Variants in SLC24A3 observed in about 807,000 individuals in gnomAD.
SLC24A3 encodes sodium/potassium/calcium exchanger 3.
Under a neutral mutation model 75.8 loss-of-function variants are expected in SLC24A3, and 28 were observed. The ratio of observed to expected loss-of-function variants is 0.37; its 90% CI spans 0.27 to 0.51. SLC24A3 has a LOEUF of 0.51. Among genes scored for constraint, SLC24A3 ranks in the 20% least tolerant of loss-of-function variants. The pLI is 0.94. For missense variants in SLC24A3, 663 were observed against 847.8 expected (o/e 0.78, Z 2.71); for synonymous variants, 372 against 334.1 (o/e 1.11, Z -1.24).
chr20:19,515,394 T>C (rs2122558151), intron 2 of SLC24A3, 94 bp from the exon 3 acceptor site: 1 of 1,155,494 alleles, frequency 8.7e-7, no homozygotes, highest in South Asian at 1.3e-5. Flanking sequence ...TCATCCAAGT[T>C]CATGGACCCC....
At chr20:19,282,979 C>A (rs1416761073) in intron 2 of SLC24A3, among the ~76,000 whole-genome samples, 1 of 152,118 alleles carries the variant, frequency 6.6e-6, no homozygotes, top group Admixed American at 6.5e-5. Context: ...AGAACGTGAA[C>A]CCGGGATCTG....
chr20:19,716,694 CAACGT>C (rs2033050041), intron 15 of SLC24A3, among the ~76,000 whole-genome samples: 1 of 151,912 alleles, frequency 6.6e-6, no homozygotes, highest in Non-Finnish European at 1.5e-5. Flanking sequence ...CCAGCCCGGG[CAACGT>C]AGTGAGACCT....
chr20:19,377,498 TA>T (rs576320717), intron 2 of SLC24A3, among the ~76,000 whole-genome samples: 10 of 152,316 alleles, frequency 6.6e-5, no homozygotes, highest in African/African-American at 2.2e-4. Flanking sequence ...CAGGTTAAAC[TA>T]AGCTATGGAG....
chr20:19,263,296 CTG>C (rs1205844918), intron 1 of SLC24A3, among the ~76,000 whole-genome samples: 3 of 152,094 alleles, frequency 2.0e-5, no homozygotes, highest in Non-Finnish European at 4.4e-5. Flanking sequence ...AAAGAGCAAA[CTG>C]TGAAGAATGA....
chr20:19,470,000 G>T (rs1987840324), intron 2 of SLC24A3, among the ~76,000 whole-genome samples: 1 of 152,114 alleles, frequency 6.6e-6, no homozygotes, highest in South Asian at 2.1e-4. Context: ...TCTAGGTTCA[G>T]CCAGGGACCC....
intron 15 of SLC24A3, among the ~76,000 whole-genome samples, chr20:19,700,809 A>G (rs535511743): frequency 4.6e-5 from 7 of 152,238 alleles, no homozygotes; most frequent in Non-Finnish European, 1.0e-4. Context: ...GTACTTAATC[A>G]TGCTGCTGCT....
intron 2 of SLC24A3, among the ~76,000 whole-genome samples, chr20:19,401,907 G>A (rs1986557992): frequency 6.6e-6 from 1 of 152,164 alleles, no homozygotes; most frequent in Non-Finnish European, 1.5e-5. Flanking sequence ...TAGCTGGTTT[G>A]ATAACACACG....
chr20:19,517,168 C>T (rs533660881), intron 3 of SLC24A3, among the ~76,000 whole-genome samples: 2 of 152,294 alleles, frequency 1.3e-5, no homozygotes, highest in South Asian at 2.1e-4. Flanking sequence ...ATGGCACCTT[C>T]GGCACCAAGG....
chr20:19,225,997 C>T (rs1981858282), intron 1 of SLC24A3, among the ~76,000 whole-genome samples: 1 of 152,138 alleles, frequency 6.6e-6, no homozygotes, highest in Admixed American at 6.5e-5. Flanking sequence ...TCTTGTGTCC[C>T]TGATATTAGG....
intron 2 of SLC24A3, among the ~76,000 whole-genome samples, chr20:19,364,519 A>G (rs1367357431): frequency 2.6e-5 from 4 of 152,132 alleles, no homozygotes; most frequent in Non-Finnish European, 5.9e-5. Flanking sequence ...GCAGTGGTGC[A>G]GTCATGTTTC....
intron 2 of SLC24A3, among the ~76,000 whole-genome samples, chr20:19,397,793 ATTG>A (rs1239019860): frequency 6.6e-6 from 1 of 151,946 alleles, no homozygotes; most frequent in Non-Finnish European, 1.5e-5. Flanking sequence ...ATTTGGAACT[ATTG>A]TTATGATGTT....
At chr20:19,315,653 G>A (rs1476593035) in intron 2 of SLC24A3, among the ~76,000 whole-genome samples, 18 of 152,200 alleles carry the variant, frequency 1.2e-4, no homozygotes, top group Admixed American at 1.2e-3. Flanking sequence ...TCATGATCAA[G>A]AACACAGGTG....
chr20:19,282,716 A>G (rs753785156), intron 2 of SLC24A3, among the ~76,000 whole-genome samples: 3 of 152,248 alleles, frequency 2.0e-5, no homozygotes, highest in Non-Finnish European at 4.4e-5. Flanking sequence ...CAGACAGGAC[A>G]TGGTGACCAG....
chr20:19,401,632 C>T (rs1986554055), intron 2 of SLC24A3, among the ~76,000 whole-genome samples: 1 of 152,216 alleles, frequency 6.6e-6, no homozygotes, highest in African/African-American at 2.4e-5. Context: ...TGTCAGGACC[C>T]TGCCTGGAGG....
At chr20:19,373,399 G>A (rs1167487050) in intron 2 of SLC24A3, among the ~76,000 whole-genome samples, 1 of 152,176 alleles carries the variant, frequency 6.6e-6, no homozygotes, top group East Asian at 1.9e-4. Context: ...GGGAGACCTG[G>A]TGGAACATTC....
At chr20:19,347,578 AT>A (rs1985455640) in intron 2 of SLC24A3, among the ~76,000 whole-genome samples, 1 of 152,226 alleles carries the variant, frequency 6.6e-6, no homozygotes, top group Non-Finnish European at 1.5e-5. Flanking sequence ...GAAAAAAATT[AT>A]GTAAATTGGA....
At chr20:19,285,554 T>TC (rs1363643635) in intron 2 of SLC24A3, among the ~76,000 whole-genome samples, 1 of 120,744 alleles carries the variant, frequency 8.3e-6, no homozygotes, top group Non-Finnish European at 1.5e-5. Flanking sequence ...AATTTGTGAT[T>TC]TTTTTTTTTT....
At chr20:19,418,807 CA>C (rs1447526062) in intron 2 of SLC24A3, among the ~76,000 whole-genome samples, 1 of 152,068 alleles carries the variant, frequency 6.6e-6, no homozygotes, top group Admixed American at 6.5e-5. Context: ...AACCAAATAG[CA>C]AAACAGTCAT....
intron 2 of SLC24A3, among the ~76,000 whole-genome samples, chr20:19,456,200 A>G (rs1195237322): frequency 6.6e-6 from 1 of 152,204 alleles, no homozygotes; most frequent in Non-Finnish European, 1.5e-5. Flanking sequence ...ACTTATGGCA[A>G]GAGAAAGACC....
Sources: allele counts gnomAD v4.1 joint callset (sites outside exome capture counted in the v4.1 genomes callset), GRCh38; gene constraint gnomAD v4.1.1; transcripts MANE v1.5; gene names NCBI Gene and HGNC (gene_info 2026-07-23, HGNC 2026-07-21).